DACH2: variants seen among roughly 807,000 people sequenced by gnomAD.
The protein encoded by DACH2 is dachshund homolog 2.
DACH2 carries 17 observed loss-of-function variants against 35.8 expected under a neutral mutation model. That is an observed-to-expected ratio of 0.48 (90% CI 0.33 to 0.71). The LOEUF (loss-of-function observed/expected upper bound fraction) is 0.71, where lower values mean the gene tolerates loss of function less well. Among genes scored for constraint, DACH2 ranks in the 30% least tolerant of loss-of-function variants. The pLI, the probability that DACH2 is intolerant of heterozygous loss-of-function variation, is 0.02. For synonymous variants in DACH2, 195 were observed against 177.3 expected (o/e 1.10, Z -0.79); for missense variants, 469 against 472.7 (o/e 0.99, Z 0.07).
chrX:86,436,161 A>G (rs887474732), intron 2 of DACH2, among the ~76,000 whole-genome samples: 46 of 111,034 alleles, frequency 4.1e-4, no homozygotes, highest in African/African-American at 1.5e-3. Flanking sequence ...CCAGGACTAT[A>G]CCATAAATCC....
intron 2 of DACH2, among the ~76,000 whole-genome samples, chrX:86,387,144 G>A: frequency 9.0e-6 from 1 of 111,055 alleles, no homozygotes; most frequent in South Asian, 3.8e-4. Flanking sequence ...CCCTTATCCA[G>A]CATCCCAATA....
chrX:86,651,601 T>C (rs185727405), intron 4 of DACH2, among the ~76,000 whole-genome samples: 50 of 111,853 alleles, frequency 4.5e-4, no homozygotes, highest in African/African-American at 1.5e-3. Context: ...AAGTGCTGGC[T>C]GACTCCAGGC....
intron 3 of DACH2, among the ~76,000 whole-genome samples, chrX:86,646,443 A>AT (rs1205212801): frequency 9.0e-6 from 1 of 110,517 alleles, no homozygotes; most frequent in East Asian, 2.8e-4. Context: ...ATATACTTTT[A>AT]TTTAAAAAAA....
rs1344938350 is a variant in DACH2, at chrX:86,397,425, A to G, written c.527+20563A>G. ...TGCCCTGGCCAGAACTTCCAACACT[A>G]TGGTGAATAGGAGTGGTGAGAGAGG... On this transcript the variant is annotated intron_variant, in intron 2 of 11. Transcript: ENST00000373125. 4.5e-5 allele frequency among the ~76,000 whole-genome samples: 5 copies of G among 111,480 alleles called. 1 individual carries two copies. The highest frequency in any genetic ancestry group is 7.6e-4 in the South Asian group (2 of 2,639).
At chrX:86,505,045 G>A (rs929039377) in intron 2 of DACH2, among the ~76,000 whole-genome samples, 2 of 111,891 alleles carry the variant, frequency 1.8e-5, no homozygotes, top group Non-Finnish European at 3.8e-5. Context: ...TAGAAGTAAG[G>A]ACGTCTCAAG....
At chrX:86,554,359 C>T (rs1173111280) in intron 3 of DACH2, among the ~76,000 whole-genome samples, 2 of 111,166 alleles carry the variant, frequency 1.8e-5, no homozygotes, top group Non-Finnish European at 3.8e-5. Context: ...GTGTTTTAGT[C>T]TCAAGATTTT....
chrX:86,150,649 G>A (rs1427910572), intron 1 of DACH2, among the ~76,000 whole-genome samples: 1 of 111,716 alleles, frequency 9.0e-6, no homozygotes, highest in Non-Finnish European at 1.9e-5. Flanking sequence ...TTTTCTTAAG[G>A]AAGATAGATG....
chrX:86,785,964 C>T (rs1328513209), intron 7 of DACH2, among the ~76,000 whole-genome samples: 1 of 111,105 alleles, frequency 9.0e-6, no homozygotes, highest in Non-Finnish European at 1.9e-5. Flanking sequence ...TCTCAGAATT[C>T]GACAATCATA....
intron 1 of DACH2, among the ~76,000 whole-genome samples, chrX:86,358,765 C>G (rs936857706): frequency 3.6e-5 from 4 of 111,247 alleles, no homozygotes; most frequent in African/African-American, 1.3e-4. Flanking sequence ...TTGCAAGTGA[C>G]TGGTGAAAGG....
chrX:86,342,806 T>C (rs2035433750), intron 1 of DACH2, among the ~76,000 whole-genome samples: 1 of 108,870 alleles, frequency 9.2e-6, no homozygotes, highest in Admixed American at 9.9e-5. Flanking sequence ...GAAATATAAA[T>C]AAATAAATTA....
intron 2 of DACH2, among the ~76,000 whole-genome samples, chrX:86,475,644 C>A (rs1037500303): frequency 9.0e-6 from 1 of 111,729 alleles, no homozygotes; most frequent in African/African-American, 3.3e-5. Flanking sequence ...GACAATTTGA[C>A]TTCTTCCTTT....
chrX:86,814,891 A>G, intron 10 of DACH2, 57 bp downstream of exon 10: 2 of 1,098,529 alleles, frequency 1.8e-6, no homozygotes, highest in Non-Finnish European at 2.4e-6. Context: ...CTGATTGAAG[A>G]AAAATAGAAG....
At chrX:86,398,967 C>A (rs1211509099) in intron 2 of DACH2, among the ~76,000 whole-genome samples, 1 of 111,339 alleles carries the variant, frequency 9.0e-6, no homozygotes, top group Non-Finnish European at 1.9e-5. Context: ...ATTGATCTGT[C>A]TAATGTTGAC....
At chrX:86,278,661 C>T (rs963381188) in intron 1 of DACH2, among the ~76,000 whole-genome samples, 2 of 111,357 alleles carry the variant, frequency 1.8e-5, no homozygotes, top group Non-Finnish European at 3.8e-5. Context: ...TCTTTTATAC[C>T]CCAGTGACAC....
rs1285859233 is a variant in DACH2 at position 86,320,793 on chromosome X, GAT to G, written c.489-56029_489-56028del. Among the ~76,000 whole-genome samples the G allele has an allele frequency of 7.1e-5, 8 of 112,038 alleles. No homozygotes were observed. The Admixed American group carries it at 7.6e-4, about 11-fold the overall frequency. ...AGGGCCATTTCCTTCCTTTTTGACAGATAGAGACTGAATGCTTTCCCAACAGG... is the reference window on the plus strand; with the variant it reads ...AGGGCCATTTCCTTCCTTTTTGACAGAGAGACTGAATGCTTTCCCAACAGG... On this transcript the variant is annotated intron_variant, in intron 1 of 11. Transcript: ENST00000373125.
rs568392582 is a variant in DACH2, at chrX:86,345,777, G to A, written c.489-31047G>A. The stretch of plus-strand genomic sequence containing the variant: ...AGACATTTCCCTTACAAAATGAGAC[G>A]GCCTTATCTTTATTATTATAGGGCA... On this transcript the variant is annotated intron_variant, in intron 1 of 11. Transcript: ENST00000373125. Among the ~76,000 whole-genome samples, 4 of 111,163 alleles carry A rather than the reference G, an allele frequency of 3.6e-5. No homozygotes were observed. The East Asian group carries it at 8.6e-4, about 24-fold the overall frequency.
chrX:86,162,374 G>A (rs1432203331), intron 1 of DACH2, among the ~76,000 whole-genome samples: 1 of 111,198 alleles, frequency 9.0e-6, no homozygotes, highest in African/African-American at 3.3e-5. Flanking sequence ...AACTAAAAAA[G>A]GGTGGAGAAA....
chrX:86,476,533 T>C (rs2037845938), intron 2 of DACH2, among the ~76,000 whole-genome samples: 1 of 111,743 alleles, frequency 8.9e-6, no homozygotes, highest in Admixed American at 9.5e-5. Flanking sequence ...TTGGATCTTG[T>C]CTCTTTTTTT....
chrX:86,182,673 T>C (rs188881190), intron 1 of DACH2, among the ~76,000 whole-genome samples: 116 of 112,038 alleles, frequency 1.0e-3, no homozygotes, highest in African/African-American at 3.3e-3. Flanking sequence ...CATTTTTGGT[T>C]CCATATGAAA....
Sources: gnomAD v4.1 joint callset for allele counts (sites outside exome capture counted in the v4.1 genomes callset) on GRCh38, gnomAD v4.1.1 for gene constraint, MANE v1.5 for transcripts, NCBI Gene and HGNC (gene_info 2026-07-23, HGNC 2026-07-21) for gene names.